EIF4ENIF1: variants seen among roughly 807,000 people sequenced by gnomAD.
The protein encoded by EIF4ENIF1 is eukaryotic translation initiation factor 4E transporter.
Under a neutral mutation model 110.5 loss-of-function variants are expected in EIF4ENIF1, and 23 were observed. The ratio of observed to expected loss-of-function variants is 0.21; its 90% CI spans 0.15 to 0.29. The LOEUF is 0.29. Ranked by LOEUF, EIF4ENIF1 falls within the 10% of genes least tolerant of loss-of-function variation. The probability of loss-of-function intolerance (pLI) is 1.00; values close to 1 mark genes in which losing one functional copy is unlikely to be tolerated. For missense variants in EIF4ENIF1, 1,031 were observed against 1,221.1 expected (o/e 0.84, Z 2.32); for synonymous variants, 440 against 437.0 (o/e 1.01, Z -0.09).
At chr22:31,452,793 T>G in intron 10 of EIF4ENIF1, among the ~76,000 whole-genome samples, 1 of 152,212 alleles carries the variant, frequency 6.6e-6, no homozygotes, top group East Asian at 1.9e-4. Flanking sequence ...ACAGGGACAT[T>G]CTCCTGCAAC....
chr22:31,450,435 A>G lies in EIF4ENIF1; in HGVS notation c.1513-75T>C. ...TTACAGATTGATTGGGGACCACAAG[A>G]AAGCATAAAATACTCCTAGGGAGTT... On this transcript the variant is annotated intron_variant, in intron 10 of 18. Coordinates refer to ENST00000330125, the MANE Select transcript of EIF4ENIF1 (RefSeq NM_019843.4). The G allele has an allele frequency of 4.9e-6, 6 of 1,221,258 alleles. No individual in the cohort carries two copies. The South Asian group carries it at 7.3e-5, about 15-fold the overall frequency. 75.7% of individuals were successfully genotyped at this position (1,221,258 alleles called of 1,614,324 possible).
At chr22:31,438,022 G>C (rs1267142655), downstream of EIF4ENIF1, among the ~76,000 whole-genome samples, 1 of 152,198 alleles carries the variant, frequency 6.6e-6, no homozygotes, top group East Asian at 1.9e-4. Flanking sequence ...ATTCCTGCAA[G>C]TACACGGCAG....
intron 2 of EIF4ENIF1, among the ~76,000 whole-genome samples, chr22:31,474,963 G>A (rs1173427300): frequency 6.6e-6 from 1 of 152,124 alleles, no homozygotes; most frequent in African/African-American, 2.4e-5. Context: ...CTTGGGGTGA[G>A]GATGGAGGGA....
At chr22:31,492,807 C>T (rs1277631079), upstream of EIF4ENIF1, among the ~76,000 whole-genome samples, 1 of 152,152 alleles carries the variant, frequency 6.6e-6, no homozygotes. Context: ...TCTTGGTTCA[C>T]TGCAACCTCT....
At chr22:31,467,178 A>C (rs1050180001) in intron 4 of EIF4ENIF1, among the ~76,000 whole-genome samples, 2 of 152,204 alleles carry the variant, frequency 1.3e-5, no homozygotes, top group Admixed American at 1.3e-4. Context: ...TCATCATTTT[A>C]ATAAAGTCTC....
chr22:31,483,330 G>A (rs1439878419), intron 2 of EIF4ENIF1, among the ~76,000 whole-genome samples: 1 of 149,958 alleles, frequency 6.7e-6, no homozygotes, highest in African/African-American at 2.5e-5. Flanking sequence ...CCCCTGTGTA[G>A]CTGAGACTAC....
intron 2 of EIF4ENIF1, among the ~76,000 whole-genome samples, chr22:31,488,011 C>T (rs1264497721): frequency 6.6e-6 from 1 of 152,086 alleles, no homozygotes; most frequent in East Asian, 1.9e-4. Flanking sequence ...GCCAACAAGA[C>T]ATGTACTGAT....
At position 31,455,899 on chromosome 22, in the gene EIF4ENIF1, G is replaced by C. The variant is rs1309469122; in HGVS notation, c.1052C>G (p.Ser351Cys). Residue 351 changes from serine to cysteine, a missense_variant, in exon 8 of 19, where the codon TCC (serine) becomes TGC (cysteine). Transcript: ENST00000330125. ...ATGTGGTGTTGACCCAAGACTGCTG[G>C]ATCGGCTTCCTGATCTGCTCGGGTT... ...FSNPSRSGSR[S>C]SSLGSTPHEE... The C allele has an allele frequency of 6.2e-7, 1 of 1,614,158 alleles. No homozygotes were observed. The highest frequency in any genetic ancestry group is 1.6e-4 in the Middle Eastern group (1 of 6,062).
chr22:31,464,555 G>A (rs1276286201), intron 4 of EIF4ENIF1, among the ~76,000 whole-genome samples: 2 of 150,050 alleles, frequency 1.3e-5, no homozygotes, highest in East Asian at 3.9e-4. Flanking sequence ...GCAGGTGCCT[G>A]TAATCCCAGT....
At position 31,455,800 on chromosome 22, in the gene EIF4ENIF1, T is replaced by C; in HGVS notation, c.1099+52A>G. 3.1e-6 allele frequency: 5 copies of C among 1,608,706 alleles called. No individual in the cohort carries two copies. In the South Asian group the frequency reaches 5.5e-5, roughly 18 times the overall value. On this transcript the variant is annotated intron_variant, in intron 8 of 18. Coordinates refer to ENST00000330125, the MANE Select transcript of EIF4ENIF1 (RefSeq NM_019843.4). ...ACTAATGAAGATAAAATGAACCATA[T>C]CAGGGAAAAACCCAGGTTTACCTTC...
intron 4 of EIF4ENIF1, among the ~76,000 whole-genome samples, chr22:31,467,969 A>C (rs564311048): frequency 6.6e-6 from 1 of 152,318 alleles, no homozygotes; most frequent in East Asian, 1.9e-4. Context: ...TCAGAAGCAC[A>C]CAGCCTAACA....
chr22:31,487,598 T>G (rs553206240), intron 2 of EIF4ENIF1, among the ~76,000 whole-genome samples: 1 of 152,078 alleles, frequency 6.6e-6, no homozygotes, highest in Non-Finnish European at 1.5e-5. Context: ...GGAGTTTGCC[T>G]GGGCAACATG....
Position 31,450,342 on chromosome 22 carries a change from A to C in EIF4ENIF1, c.1531T>G (p.Leu511Val). The C allele has an allele frequency of 1.2e-6, 2 of 1,613,388 alleles. No individual in the cohort carries two copies. The highest frequency in any genetic ancestry group is 1.7e-6 in the Non-Finnish European group (2 of 1,179,494). ...CCTGGAATCTCAGCAGGGGACATCA[A>C]ATGGCTTTCAAGGTTTCGCTAAAAG... ...PKVSRNLESHLMSPAEIPGQP... is the reference protein window; with the variant it reads ...PKVSRNLESHVMSPAEIPGQP... The change falls in exon 11 of 19, where the codon TTG (leucine) becomes GTG (valine). Residue 511 changes from leucine (L) to valine (V), a missense_variant. Leu to Val is a conservative substitution (Grantham distance 32, BLOSUM62 1). This residue lies in a region of EIF4ENIF1 where 704 missense variants were observed against 879.7 expected (regional missense o/e 0.80). Coordinates refer to ENST00000330125, the MANE Select transcript of EIF4ENIF1 (RefSeq NM_019843.4).
intron 3 of EIF4ENIF1, among the ~76,000 whole-genome samples, chr22:31,470,104 T>TG (rs1187920895): frequency 1.5e-5 from 2 of 136,074 alleles, no homozygotes; most frequent in African/African-American, 2.8e-5. Context: ...GGGAAGGTTG[T>TG]GGTGAGCCAA....
Position 31,489,815 on chromosome 22 carries a change from G to C in EIF4ENIF1, c.-149C>G, listed in dbSNP as rs1286823257. 1 of 151,638 alleles carries C rather than the reference G, an allele frequency of 6.6e-6. No individual in the cohort carries two copies. Among genetic ancestry groups the C allele is most frequent in the Non-Finnish European group, 1.5e-5 (1 of 67,974 alleles). 9.4% of individuals were successfully genotyped at this position (151,638 alleles called of 1,614,324 possible). A position where few individuals can be genotyped will look rare whatever the true frequency, so the allele number is the denominator to read the frequency against. On this transcript the variant is annotated 5_prime_UTR_variant, in exon 1 of 19. Coordinates refer to ENST00000330125, the MANE Select transcript of EIF4ENIF1 (RefSeq NM_019843.4). Reference sequence around the variant, plus strand: ...CTCGCGCCCCCACCCCGACCGGCTTGGGCTGTCTCTCTTCAGCCGCCGTAA... The same window carrying C: ...CTCGCGCCCCCACCCCGACCGGCTTCGGCTGTCTCTCTTCAGCCGCCGTAA...
At chr22:31,493,363 C>G (rs1187553759), upstream of EIF4ENIF1, among the ~76,000 whole-genome samples, 3 of 152,010 alleles carry the variant, frequency 2.0e-5, no homozygotes, top group Non-Finnish European at 2.9e-5. Flanking sequence ...AAGTTTTGCT[C>G]TGTCGCCCAG....
intron 2 of EIF4ENIF1, among the ~76,000 whole-genome samples, chr22:31,481,697 C>CA (rs1392641980): frequency 1.3e-5 from 2 of 152,140 alleles, no homozygotes; most frequent in African/African-American, 2.4e-5. Context: ...TGACTCAAGT[C>CA]AGTCACTTCA....
intron 8 of EIF4ENIF1, 51 bp downstream of exon 8, chr22:31,455,801 C>T: frequency 1.2e-6 from 2 of 1,608,622 alleles, no homozygotes; most frequent in Non-Finnish European, 1.7e-6. Flanking sequence ...TGAACCATAT[C>T]AGGGAAAAAC....
At chr22:31,453,085 CTAGAAT>C (rs1238234566) in intron 10 of EIF4ENIF1, among the ~76,000 whole-genome samples, 4 of 152,158 alleles carry the variant, frequency 2.6e-5, no homozygotes, top group African/African-American at 9.7e-5. Context: ...AACTTAGCAA[CTAGAAT>C]AAGTCCATGT....
Sources: gnomAD v4.1 joint callset for allele counts (sites outside exome capture counted in the v4.1 genomes callset) on GRCh38, gnomAD v4.1.1 for gene constraint, gnomAD v4.1.1 regional missense constraint, MANE v1.5 for transcripts, NCBI Gene and HGNC (gene_info 2026-07-23, HGNC 2026-07-21) for gene names.